The following ITIH1 variants were observed in gnomAD, a reference collection of about 807,000 sequenced individuals.
ITIH1 encodes the protein inter-alpha-trypsin inhibitor heavy chain H1.
A neutral mutation model predicts 104.6 loss-of-function variants in ITIH1; 94 were observed. The ratio of observed to expected loss-of-function variants is 0.90; its 90% CI spans 0.76 to 1.07. ITIH1 has a LOEUF of 1.07. Among genes scored for constraint, ITIH1 ranks in the 50% least tolerant of loss-of-function variants. The pLI, the probability that ITIH1 is intolerant of heterozygous loss-of-function variation, is 0.00. For missense variants in ITIH1, 1,193 were observed against 1,181.4 expected (o/e 1.01, Z -0.14); for synonymous variants, 455 against 464.4 (o/e 0.98, Z 0.26).
Position 52,786,393 on chromosome 3 carries a change from C to T in ITIH1, c.1692C>T (p.Arg564=). 6.3e-7 allele frequency: 1 copy of T among 1,586,338 alleles called. No individual in the cohort carries two copies. The highest frequency in any genetic ancestry group is 1.2e-5 in the South Asian group (1 of 86,808). ...RGHMLENHVE[R]LWAYLTIQEL... The stretch of plus-strand genomic sequence containing the variant: ...ACATGCTGGAGAACCACGTCGAGCG[C>T]CTCTGGGCCTACCTCACCATCCAGG... The change falls in exon 13 of 22, where the codon CGC becomes CGT. Residue 564 remains arginine, a synonymous_variant. Coordinates refer to ENST00000273283, the MANE Select transcript of ITIH1 (RefSeq NM_002215.4).
chr3:52,790,267 C>G, intron 19 of ITIH1: 1 of 270,662 alleles, frequency 3.7e-6, no homozygotes. Context: ...TTTACTAATT[C>G]GTTCATTCAT....
At chr3:52,788,407 C>A in intron 18 of ITIH1, 62 bp downstream of exon 18, 2 of 1,118,798 alleles carry the variant, frequency 1.8e-6, no homozygotes, top group Non-Finnish European at 2.7e-6. Context: ...CAACATTCAG[C>A]CAGGAACAGG....
chr3:52,784,399 T>C lies in ITIH1; in HGVS notation c.1329T>C (p.Phe443=), dbSNP rs149431719. The part of the protein sequence containing the change: ...LGFGHNVDFN[F]LEVMSMENNG... The stretch of plus-strand genomic sequence containing the variant: ...TCGGCCACAATGTGGACTTTAACTT[T>C]CTGGAGGTCATGTCCATGGAGAACA... The change falls in exon 11 of 22, where the codon TTT becomes TTC. Residue 443 remains phenylalanine (F), a synonymous_variant. Transcript: ENST00000273283. 2.3e-5 allele frequency: 37 copies of C among 1,614,006 alleles called. No individual in the cohort carries two copies. The African/African-American group carries it at 4.8e-4, about 21-fold the overall frequency.
chr3:52,788,158 T>G, intron 17 of ITIH1, 74 bp from the exon 18 acceptor site: 1 of 1,511,374 alleles, frequency 6.6e-7, no homozygotes. Flanking sequence ...GGGACCTGCC[T>G]AGCTGAACCC....
At position 52,779,394 on chromosome 3, in the gene ITIH1, C is replaced by T. The variant is rs1698981185; in HGVS notation, c.411-38C>T. The T allele has an allele frequency of 1.2e-6, 2 of 1,610,524 alleles. No individual in the cohort carries two copies. The highest frequency in any genetic ancestry group is 1.7e-6 in the Non-Finnish European group (2 of 1,176,780). The stretch of plus-strand genomic sequence containing the variant: ...GACAAGGACCCAAATGTCATTTACC[C>T]TCTGTCTGTCTGCTGTTGCCTCTGG... On this transcript the variant is annotated intron_variant, in intron 4 of 21. Coordinates refer to ENST00000273283, the MANE Select transcript of ITIH1 (RefSeq NM_002215.4). The surrounding 1 kb of genome is among the most constrained non-coding windows in gnomAD (Gnocchi z 4.4).
chr3:52,789,570 C>T (rs1699293123), intron 18 of ITIH1, 83 bp from the exon 19 acceptor site: 1 of 1,239,014 alleles, frequency 8.1e-7, no homozygotes, highest in East Asian at 2.3e-5. Flanking sequence ...GGCGTAGAGG[C>T]CTCTTAGGAA....
intron 13 of ITIH1, 59 bp from the exon 14 acceptor site, chr3:52,786,886 G>C: frequency 6.6e-7 from 1 of 1,518,730 alleles, no homozygotes; most frequent in Non-Finnish European, 8.9e-7. Flanking sequence ...GAATGGATAG[G>C]TGAAAGGATG....
At position 52,781,999 on chromosome 3, in the gene ITIH1, A is replaced by C; in HGVS notation, c.747A>C (p.Thr249=). 1.9e-6 allele frequency: 3 copies of C among 1,614,008 alleles called. No individual in the cohort carries two copies. Among genetic ancestry groups the C allele is most frequent in the Non-Finnish European group, 2.5e-6 (3 of 1,179,992 alleles). ...SQQQSCPTCS[T]SLLNGHFKVT... is the part of the protein sequence containing the mutation. ...AGCAGTCCTGCCCCACATGCTCTAC[A>C]TCCTTACTGAACGGGCACTTCAAGG... The change falls in exon 7 of 22, where the codon ACA becomes ACC. Residue 249 remains threonine (T), a synonymous_variant. Transcript: ENST00000273283.
Position 52,791,782 on chromosome 3 carries a change from G to T in ITIH1, c.2607G>T (p.Arg869Ser). Residue 869 changes from arginine (R) to serine (S), a missense_variant and splice_region_variant, in exon 22 of 22, where the codon AGG (arginine) becomes AGT (serine). Transcript: ENST00000273283. ...CCCCAGCTGACTTGTCTCTGCACAGGGGTTTGCAAAAAGACTACAGCAAGG... is the reference window on the plus strand; with the variant it reads ...CCCCAGCTGACTTGTCTCTGCACAGTGGTTTGCAAAAAGACTACAGCAAGG... ...VVRNRRLTVT[R>S]GLQKDYSKDP... 1 of 1,612,448 alleles carries T rather than the reference G, an allele frequency of 6.2e-7. No homozygotes were observed. Among genetic ancestry groups the T allele is most frequent in the Non-Finnish European group, 8.5e-7 (1 of 1,179,146 alleles).
chr3:52,778,616 A>G (rs1698963049), intron 3 of ITIH1, 110 bp downstream of exon 3: 2 of 1,537,882 alleles, frequency 1.3e-6, no homozygotes. Flanking sequence ...TCCTCATTCT[A>G]GAAGGGCCAC....
rs964131948 is a variant in ITIH1 at position 52,779,858 on chromosome 3, G to A, written c.573+264G>A. 19 of 1,364,834 alleles carry A rather than the reference G, an allele frequency of 1.4e-5. No individual in the cohort carries two copies. Among genetic ancestry groups the A allele is most frequent in the African/African-American group, 1.3e-4 (9 of 68,348 alleles). The allele number at this position is 1,364,834 out of a possible 1,614,324, so 84.5% of individuals were successfully genotyped here. ...GTCCCAGGACCGCCACAGGGATCAC[G>A]AGAAGTACTGAATGTCCAGGTAATT... On this transcript the variant is annotated intron_variant, in intron 5 of 21. Transcript: ENST00000273283. The surrounding 1 kb of genome is among the most constrained non-coding windows in gnomAD (Gnocchi z 4.4).
intron 10 of ITIH1, among the ~76,000 whole-genome samples, chr3:52,783,948 G>A (rs888326976): frequency 6.6e-6 from 1 of 152,100 alleles, no homozygotes; most frequent in Non-Finnish European, 1.5e-5. Flanking sequence ...GTGTGCACTG[G>A]CAGGGCCTGC....
chr3:52,787,715 GGAA>G, intron 16 of ITIH1, 103 bp downstream of exon 16: 1 of 1,345,316 alleles, frequency 7.4e-7, no homozygotes, highest in South Asian at 1.2e-5. Flanking sequence ...CTTGTCACTG[GGAA>G]TCTTTAGAAC....
At chr3:52,777,952 C>G (rs201042924) in intron 1 of ITIH1, 45 bp from the exon 2 acceptor site, 1 of 1,613,358 alleles carries the variant, frequency 6.2e-7, no homozygotes, top group East Asian at 2.2e-5. Flanking sequence ...GGCCGGTGGT[C>G]CCCTGAGTTT....
rs1699111127 is a variant in ITIH1 at position 52,783,302 on chromosome 3, A to G, written c.1188A>G (p.Ser396=). 1.2e-6 allele frequency: 2 copies of G among 1,614,150 alleles called. No individual in the cohort carries two copies. The highest frequency in any genetic ancestry group is 1.7e-6 in the Non-Finnish European group (2 of 1,180,038). ...TCCCAGAACTCAGCAACCATGCCTCAATACTCATCATGTTGACAGATGGCG... is the reference window on the plus strand; with the variant it reads ...TCCCAGAACTCAGCAACCATGCCTCGATACTCATCATGTTGACAGATGGCG... ...ESLPELSNHA[S]ILIMLTDGDP... The change falls in exon 10 of 22, where the codon TCA becomes TCG. Residue 396 remains serine, a synonymous_variant. Transcript: ENST00000273283.
chr3:52,787,539 G>A (rs1699233141), intron 15 of ITIH1, 53 bp from the exon 16 acceptor site: 7 of 1,610,194 alleles, frequency 4.3e-6, no homozygotes, highest in East Asian at 2.2e-5. Flanking sequence ...TGCCTTTCGT[G>A]TGGGGCACCG....
rs117099788 is a variant in ITIH1 at position 52,784,983 on chromosome 3, C to T, written c.1408-61C>T. 970 of 1,530,170 alleles carry T rather than the reference C, an allele frequency of 6.3e-4. 15 individuals are homozygous for T. The East Asian group carries it at 0.02, about 32-fold the overall frequency. The allele number at this position is 1,530,170 out of a possible 1,614,324, so 94.8% of individuals were successfully genotyped here. On this transcript the variant is annotated intron_variant, in intron 11 of 21. Coordinates refer to ENST00000273283, the MANE Select transcript of ITIH1 (RefSeq NM_002215.4). ...AATTCCCAACACTCCACTTTGTGGG[C>T]AGGCTTCCCATTAGGAGCCCAGGGT...
At position 52,782,860 on chromosome 3, in the gene ITIH1, C is replaced by CCTGCT. The variant is rs1699098959; in HGVS notation, c.931-96_931-95insTGCTC. The CCTGCT allele has an allele frequency of 3.9e-5, 48 of 1,220,854 alleles. 1 individual carries two copies. In the South Asian group the frequency reaches 6.5e-4, roughly 17 times the overall value. The allele number at this position is 1,220,854 out of a possible 1,614,324, so 75.6% of individuals were successfully genotyped here. A position where few individuals can be genotyped will look rare whatever the true frequency, so the allele number is the denominator to read the frequency against. ...TGTCCTATCTCCTCCTGCTTGTCCA[C>CCTGCT]CCTGTGGATCTCTGAAATGGGTATT... On this transcript the variant is annotated intron_variant, in intron 8 of 21. Transcript: ENST00000273283.
rs1271489548 is a variant in ITIH1 at position 52,791,638 on chromosome 3, C to T, written c.2606+10C>T. ...GGCTCACGGTCACCAGGTGGGTGGGCTGCTTGCCCAGCACGTCTGCCCTCG... is the reference window on the plus strand; with the variant it reads ...GGCTCACGGTCACCAGGTGGGTGGGTTGCTTGCCCAGCACGTCTGCCCTCG... On this transcript the variant is annotated intron_variant, in intron 21 of 21. Coordinates refer to ENST00000273283, the MANE Select transcript of ITIH1 (RefSeq NM_002215.4). The T allele has an allele frequency of 6.2e-7, 1 of 1,612,978 alleles. No homozygotes were observed. Among genetic ancestry groups the T allele is most frequent in the Non-Finnish European group, 8.5e-7 (1 of 1,179,308 alleles).
Sources: gnomAD v4.1 joint callset for allele counts (sites outside exome capture counted in the v4.1 genomes callset) on GRCh38, gnomAD v4.1.1 for gene constraint, Gnocchi (gnomAD v3.1) non-coding constraint, MANE v1.5 for transcripts, NCBI Gene and HGNC (gene_info 2026-07-23, HGNC 2026-07-21) for gene names.